Variants in ZNF791 observed in about 807,000 individuals in gnomAD.
ZNF791 encodes the protein zinc finger protein 791.
ZNF791 carries 4 observed loss-of-function variants against 11.5 expected under a neutral mutation model. The observed-to-expected ratio is 0.35, with a 90% CI of 0.17 to 0.80. The LOEUF (loss-of-function observed/expected upper bound fraction) is 0.80. Among genes scored for constraint, ZNF791 ranks in the 30% least tolerant of loss-of-function variants. The pLI is 0.53. For missense variants in ZNF791, 559 were observed against 699.4 expected (o/e 0.80, Z 2.26); for synonymous variants, 212 against 228.1 (o/e 0.93, Z 0.64).
chr19:12,627,106 G>A (rs143480845), intron 3 of ZNF791, among the ~76,000 whole-genome samples: 123 of 151,360 alleles, frequency 8.1e-4, no homozygotes, highest in Non-Finnish European at 1.4e-3. Context: ...GATTGAGCCC[G>A]GGAGGTCAAG....
At position 12,629,082 on chromosome 19, in the gene ZNF791, A is replaced by AT; in HGVS notation, c.1554dup (p.Thr519TyrfsTer7). Reference sequence around the variant, plus strand: ...AGCTTTCAAGGACACATGAGAATGCATACTGGAGAGAAACCCTATAAATGT... The same window carrying AT: ...AGCTTTCAAGGACACATGAGAATGCATTACTGGAGAGAAACCCTATAAATGT... On this transcript the variant is annotated frameshift_variant, in exon 4 of 4. Transcript: ENST00000343325. LOFTEE classifies it low-confidence loss of function (END_TRUNC). 6.2e-7 allele frequency: 1 copy of AT among 1,609,058 alleles called. No individual in the cohort carries two copies. The highest frequency in any genetic ancestry group is 2.2e-5 in the East Asian group (1 of 44,836).
At position 12,627,905 on chromosome 19, in the gene ZNF791, G is replaced by C. The variant is rs773959872; in HGVS notation, c.376G>C (p.Glu126Gln). The C allele has an allele frequency of 1.9e-6, 3 of 1,614,096 alleles. No individual in the cohort carries two copies. The Admixed American group carries it at 5.0e-5, about 27-fold the overall frequency. The change falls in exon 4 of 4, where the codon GAG becomes CAG. Residue 126 changes from glutamate to glutamine, a missense_variant. Coordinates refer to ENST00000343325, the MANE Select transcript of ZNF791 (RefSeq NM_153358.3). ...TRHMRSHTGY[E>Q]LFEKPYKCKE... is the part of the protein sequence containing the mutation. ...ACACATGAGGTCTCACACTGGATACGAGCTATTTGAGAAGCCATATAAATG... is the reference window on the plus strand; with the variant it reads ...ACACATGAGGTCTCACACTGGATACCAGCTATTTGAGAAGCCATATAAATG...
chr19:12,618,734 C>G (rs536404609), intron 1 of ZNF791, among the ~76,000 whole-genome samples: 1 of 151,440 alleles, frequency 6.6e-6, no homozygotes, highest in Non-Finnish European at 1.5e-5. Context: ...CTGCACTCCA[C>G]CCTGGGGAAC....
At chr19:12,624,819 G>A in intron 3 of ZNF791, 109 bp downstream of exon 3, 1 of 682,312 alleles carries the variant, frequency 1.5e-6, no homozygotes, top group Non-Finnish European at 2.4e-6. Flanking sequence ...AGAGGCTGAG[G>A]TGGGTGGATC....
At chr19:12,626,049 G>A (rs536253120) in intron 3 of ZNF791, among the ~76,000 whole-genome samples, 30 of 151,930 alleles carry the variant, frequency 2.0e-4, no homozygotes, top group African/African-American at 6.8e-4. Flanking sequence ...ACGGAGTCTC[G>A]CTCTGTCACC....
chr19:12,615,834 T>C (rs1232578819), intron 1 of ZNF791, among the ~76,000 whole-genome samples: 1 of 152,026 alleles, frequency 6.6e-6, no homozygotes. Context: ...ATAAACCTGT[T>C]GCATGATGTC....
At chr19:12,614,477 T>G (rs957633595) in intron 1 of ZNF791, among the ~76,000 whole-genome samples, 3 of 152,144 alleles carry the variant, frequency 2.0e-5, no homozygotes, top group Non-Finnish European at 4.4e-5. Context: ...CCTCAGGTGA[T>G]CTGCCTGCCT....
In ZNF791 at chr19:12,614,892, C is replaced by CTTTTTTTTTTTTTTTTTTT. The variant is rs57575424; in HGVS notation, c.3+3827_3+3845dup. The stretch of plus-strand genomic sequence containing the variant: ...ACAGGTGTGAGCCACTGCGTCCGGC[C>CTTTTTTTTTTTTTTTTTTT]TTTTTTTTTTTTTTTTTTTTTTTTT... On this transcript the variant is annotated intron_variant, in intron 1 of 3. Transcript: ENST00000343325. Among the ~76,000 whole-genome samples, 19 of 17,566 alleles carry CTTTTTTTTTTTTTTTTTTT rather than the reference C, an allele frequency of 1.1e-3. 8 individuals carry two copies. The highest frequency in any genetic ancestry group is 5.6e-3 in the South Asian group (1 of 178). 11.5% of individuals were successfully genotyped at this position (17,566 alleles called of 152,430 possible).
chr19:12,624,628 T>G, intron 2 of ZNF791, 22 bp from the exon 3 acceptor site: 1 of 1,562,572 alleles, frequency 6.4e-7, no homozygotes, highest in Admixed American at 1.7e-5. Context: ...TTTATCATGA[T>G]TATTCTTGAT....
chr19:12,614,009 T>A (rs1425657675), intron 1 of ZNF791, among the ~76,000 whole-genome samples: 1 of 152,266 alleles, frequency 6.6e-6, no homozygotes, highest in Non-Finnish European at 1.5e-5. Context: ...GGACTTATGT[T>A]TCCTAGAGAC....
chr19:12,621,719 G>GA (rs2023349036), intron 1 of ZNF791, among the ~76,000 whole-genome samples: 1 of 102,766 alleles, frequency 9.7e-6, no homozygotes, highest in African/African-American at 3.8e-5. Flanking sequence ...CACCTCGGTG[G>GA]GGGGTCAGCC....
At chr19:12,615,645 G>T (rs1433453247) in intron 1 of ZNF791, among the ~76,000 whole-genome samples, 1 of 151,854 alleles carries the variant, frequency 6.6e-6, no homozygotes, top group Non-Finnish European at 1.5e-5. Context: ...TGGGTGTGGT[G>T]GCGCACACCT....
At chr19:12,625,587 C>G (rs886447984) in intron 3 of ZNF791, among the ~76,000 whole-genome samples, 1 of 150,486 alleles carries the variant, frequency 6.6e-6, no homozygotes, top group Non-Finnish European at 1.5e-5. Context: ...GAGATCAAGA[C>G]CAGTCTGGCC....
At chr19:12,614,862 G>A (rs2023216623) in intron 1 of ZNF791, among the ~76,000 whole-genome samples, 1 of 131,690 alleles carries the variant, frequency 7.6e-6, no homozygotes, top group Non-Finnish European at 1.6e-5. Context: ...CAGAGGGCTG[G>A]GATTACAGGT....
chr19:12,625,124 T>G (rs776208038), intron 3 of ZNF791, among the ~76,000 whole-genome samples: 1 of 151,188 alleles, frequency 6.6e-6, no homozygotes, highest in African/African-American at 2.4e-5. Context: ...TTATTTGTTT[T>G]ATTTATTTTT....
chr19:12,624,158 CTTTTTT>C (rs138811360), intron 2 of ZNF791, among the ~76,000 whole-genome samples: 1 of 124,072 alleles, frequency 8.1e-6, no homozygotes. Flanking sequence ...GCCTGGCCTT[CTTTTTT>C]TTTTTTTTTT....
At chr19:12,619,656 A>G (rs538711162) in intron 1 of ZNF791, among the ~76,000 whole-genome samples, 1 of 151,276 alleles carries the variant, frequency 6.6e-6, no homozygotes, top group African/African-American at 2.4e-5. Context: ...TCACTGTGTT[A>G]GCCAGGATGC....
At chr19:12,616,310 G>C (rs1312698221) in intron 1 of ZNF791, among the ~76,000 whole-genome samples, 1 of 152,132 alleles carries the variant, frequency 6.6e-6, no homozygotes, top group African/African-American at 2.4e-5. Context: ...GTTCGAATTG[G>C]AGGCAGGCAT....
At chr19:12,614,892 CTTTTTTTTTTTTTTTTTTTTT>C (rs57575424) in intron 1 of ZNF791, among the ~76,000 whole-genome samples, 3 of 17,548 alleles carry the variant, frequency 1.7e-4, no homozygotes, top group Admixed American at 1.2e-3. Context: ...TGCGTCCGGC[CTTTTTTTTTTTTTTTTTTTTT>C]TTTTTTTTTT....
Sources: allele counts gnomAD v4.1 joint callset (sites outside exome capture counted in the v4.1 genomes callset), GRCh38; gene constraint gnomAD v4.1.1; transcripts MANE v1.5; gene names NCBI Gene and HGNC (gene_info 2026-07-23, HGNC 2026-07-21).